SORCS3: variants seen among roughly 807,000 people sequenced by gnomAD.
The protein encoded by SORCS3 is VPS10 domain-containing receptor SorCS3.
SORCS3 carries 57 observed loss-of-function variants against 146.3 expected under a neutral mutation model. The ratio of observed to expected loss-of-function variants is 0.39; its 90% confidence interval spans 0.31 to 0.49. The LOEUF (loss-of-function observed/expected upper bound fraction) is 0.49, where lower values mean the gene tolerates loss of function less well. SORCS3 is among the 20% of genes least tolerant of loss of function. The pLI is 0.92. For missense variants in SORCS3, 1,341 were observed against 1,575.5 expected (o/e 0.85, Z 2.52); for synonymous variants, 653 against 618.5 (o/e 1.06, Z -0.83).
At chr10:105,202,301 A>G (rs1341692990) in intron 16 of SORCS3, among the ~76,000 whole-genome samples, 1 of 152,128 alleles carries the variant, frequency 6.6e-6, no homozygotes, top group African/African-American at 2.4e-5. Context: ...CTTTATGTCA[A>G]AATTCCTTAC....
At chr10:105,065,346 A>G (rs542298438) in intron 5 of SORCS3, among the ~76,000 whole-genome samples, 1 of 152,256 alleles carries the variant, frequency 6.6e-6, no homozygotes, top group African/African-American at 2.4e-5. Flanking sequence ...AAGTATATCT[A>G]TTGAGAGTGT....
intron 1 of SORCS3, among the ~76,000 whole-genome samples, chr10:104,724,403 T>C (rs955794255): frequency 1.3e-5 from 2 of 152,224 alleles, no homozygotes; most frequent in Non-Finnish European, 2.9e-5. Flanking sequence ...CTGGCTGCCC[T>C]TAACACTTTT....
chr10:104,827,480 A>G (rs1294706310), intron 1 of SORCS3, among the ~76,000 whole-genome samples: 1 of 152,104 alleles, frequency 6.6e-6, no homozygotes, highest in African/African-American at 2.4e-5. Flanking sequence ...TTTTTATTGG[A>G]GCAGTAGGTC....
intron 8 of SORCS3, among the ~76,000 whole-genome samples, chr10:105,141,979 C>G (rs988140985): frequency 7.2e-5 from 11 of 152,154 alleles, no homozygotes; most frequent in Non-Finnish European, 1.6e-4. Flanking sequence ...TTCGACAAAT[C>G]TAAGGAATGG....
intron 3 of SORCS3, among the ~76,000 whole-genome samples, chr10:104,957,952 T>A (rs912617967): frequency 6.6e-6 from 1 of 151,996 alleles, no homozygotes; most frequent in Non-Finnish European, 1.5e-5. Flanking sequence ...TTTGAGATAA[T>A]GGGGTCAAAT....
intron 25 of SORCS3, among the ~76,000 whole-genome samples, chr10:105,261,243 A>G (rs1479151654): frequency 6.6e-6 from 1 of 152,204 alleles, no homozygotes; most frequent in Non-Finnish European, 1.5e-5. Flanking sequence ...TATAATGGAA[A>G]GTTGGATAGT....
chr10:104,952,693 G>A (rs1434723051), intron 3 of SORCS3, among the ~76,000 whole-genome samples: 1 of 151,994 alleles, frequency 6.6e-6, no homozygotes, highest in Non-Finnish European at 1.5e-5. Context: ...CTATATCCCT[G>A]CTCCTCCAGC....
At chr10:104,864,928 C>CT (rs2133563505) in intron 2 of SORCS3, among the ~76,000 whole-genome samples, 1 of 152,254 alleles carries the variant, frequency 6.6e-6, no homozygotes, top group African/African-American at 2.4e-5. Context: ...CAGATCTGGT[C>CT]TTTTTTATCT....
At chr10:104,719,250 C>G (rs191870617) in intron 1 of SORCS3, among the ~76,000 whole-genome samples, 1 of 152,228 alleles carries the variant, frequency 6.6e-6, no homozygotes, top group East Asian at 1.9e-4. Context: ...CTTTTCTTTT[C>G]TAAAATCCTG....
chr10:104,741,700 GTTTTTTTTTTTTTTTTTT>G (rs71022746), intron 1 of SORCS3, among the ~76,000 whole-genome samples: 5 of 3,244 alleles, frequency 1.5e-3, no homozygotes, highest in Non-Finnish European at 2.2e-3. Context: ...TCCATTCTGG[GTTTTTTTTTTTTTTTTTT>G]TTTTTTTTTT....
At chr10:105,050,623 C>T (rs2055404089) in intron 5 of SORCS3, among the ~76,000 whole-genome samples, 1 of 152,128 alleles carries the variant, frequency 6.6e-6, no homozygotes, top group Non-Finnish European at 1.5e-5. Flanking sequence ...TAAGAGACCT[C>T]CTCAGGCAGA....
At chr10:104,842,957 G>A in intron 2 of SORCS3, 98 bp downstream of exon 2, 1 of 934,816 alleles carries the variant, frequency 1.1e-6, no homozygotes, top group Non-Finnish European at 1.7e-6. Flanking sequence ...AGGAGCAGAA[G>A]ATAGTCCTCT....
intron 1 of SORCS3, among the ~76,000 whole-genome samples, chr10:104,745,311 A>G (rs968037922): frequency 6.6e-5 from 10 of 152,244 alleles, no homozygotes; most frequent in African/African-American, 2.2e-4. Flanking sequence ...TCAATTGAGA[A>G]AGATGAACAG....
intron 1 of SORCS3, among the ~76,000 whole-genome samples, chr10:104,825,435 G>C (rs1043181944): frequency 6.6e-6 from 1 of 152,168 alleles, no homozygotes. Flanking sequence ...TTTTCTCAAA[G>C]AAACAGATCA....
intron 1 of SORCS3, among the ~76,000 whole-genome samples, chr10:104,661,547 G>A (rs1236383848): frequency 6.6e-6 from 1 of 152,082 alleles, no homozygotes; most frequent in Non-Finnish European, 1.5e-5. Context: ...ACTTAGTTTT[G>A]GCTAAGCCTT....
At chr10:104,910,830 T>C (rs2018959349) in intron 2 of SORCS3, among the ~76,000 whole-genome samples, 3 of 152,244 alleles carry the variant, frequency 2.0e-5, no homozygotes, top group African/African-American at 4.8e-5. Context: ...CAGAGCCCCG[T>C]GGCTACACTG....
intron 4 of SORCS3, among the ~76,000 whole-genome samples, chr10:105,041,926 G>A (rs138114879): frequency 5.3e-4 from 81 of 152,156 alleles, no homozygotes; most frequent in Non-Finnish European, 4.4e-5. Context: ...TGATAAACTT[G>A]GGTCATGATT....
chr10:105,152,749 G>A (rs932927193), intron 9 of SORCS3, among the ~76,000 whole-genome samples: 25 of 152,256 alleles, frequency 1.6e-4, no homozygotes, highest in Middle Eastern at 6.8e-3. Flanking sequence ...GTTTTGGATT[G>A]CACAGTCGTA....
chr10:104,955,224 C>T (rs1161992691), intron 3 of SORCS3, among the ~76,000 whole-genome samples: 1 of 151,966 alleles, frequency 6.6e-6, no homozygotes, highest in Non-Finnish European at 1.5e-5. Context: ...CATTTTCTTC[C>T]TGCAGATTTC....
Sources: allele counts gnomAD v4.1 joint callset (sites outside exome capture counted in the v4.1 genomes callset), GRCh38; gene constraint gnomAD v4.1.1; transcripts MANE v1.5; gene names NCBI Gene and HGNC (gene_info 2026-07-23, HGNC 2026-07-21).